The following ABCD4 variants were observed in gnomAD, a reference collection of about 807,000 sequenced individuals.
ABCD4 encodes ATP binding cassette subfamily D member 4, also known as lysosomal cobalamin transporter ABCD4.
Under a neutral mutation model 86.3 loss-of-function variants are expected in ABCD4, and 53 were observed. The ratio of observed to expected loss-of-function variants is 0.61; its 90% confidence interval spans 0.49 to 0.77. ABCD4 has a LOEUF of 0.77. ABCD4 is among the 30% of genes least tolerant of loss of function. ABCD4 has a pLI of 0.00. For missense variants in ABCD4, 757 were observed against 764.5 expected, an observed-to-expected ratio of 0.99 and a Z score of 0.12; for synonymous variants, 328 against 313.6, an observed-to-expected ratio of 1.05 and a Z score of -0.49.
rs1460323292 is a variant in ABCD4, at chr14:74,295,853, C to T, written c.668+1G>A. ...AGAAACCTCAAGTGAGGGAGACACA[C>T]CTAAAATCTCCCTCCAGCTTCTCCT... On this transcript the variant is annotated splice_donor_variant, in intron 6 of 18. Transcript: ENST00000356924. LOFTEE classifies it high-confidence loss of function. The T allele has an allele frequency of 6.2e-7, 1 of 1,613,544 alleles. No homozygotes were observed. Among genetic ancestry groups the T allele is most frequent in the African/African-American group, 1.3e-5 (1 of 74,994 alleles).
At chr14:74,301,160 C>CTTTTTT (rs36088801) in intron 1 of ABCD4, among the ~76,000 whole-genome samples, 2 of 124,342 alleles carry the variant, frequency 1.6e-5, no homozygotes, top group African/African-American at 3.1e-5. Context: ...GGCCTAAAAT[C>CTTTTTT]TTTTTTTTTT....
rs1052022 is a variant in ABCD4, at chr14:74,286,341, T to C, written c.*120A>G. On this transcript the variant is annotated 3_prime_UTR_variant, in exon 19 of 19. Transcript: ENST00000356924. Reference sequence around the variant, plus strand: ...CTAGGGGTCCTGCACAGGACCCATGTGGCTCCTGCACGGGATCTATGTGGC... The same window carrying C: ...CTAGGGGTCCTGCACAGGACCCATGCGGCTCCTGCACGGGATCTATGTGGC... 6,937 of 1,065,298 alleles carry C rather than the reference T, an allele frequency of 6.5e-3. 282 individuals are homozygous for C. In the African/African-American group the frequency reaches 0.095, roughly 15 times the overall value. 66.0% of individuals were successfully genotyped at this position (1,065,298 alleles called of 1,614,324 possible). A position where few individuals can be genotyped will look rare whatever the true frequency, so the allele number is the denominator to read the frequency against.
chr14:74,295,780 A>G, intron 6 of ABCD4, 74 bp downstream of exon 6: 1 of 1,590,950 alleles, frequency 6.3e-7, no homozygotes, highest in East Asian at 2.2e-5. Context: ...ATTTGAACTT[A>G]GGCAGTTTTA....
intron 15 of ABCD4, 104 bp from the exon 16 acceptor site, chr14:74,288,363 G>C: frequency 1.7e-6 from 2 of 1,158,086 alleles, no homozygotes; most frequent in Non-Finnish European, 2.5e-6. Context: ...ACACCTCTAA[G>C]ACAAATATAT....
chr14:74,289,744 C>G (rs2080944862), intron 13 of ABCD4: 4 of 1,434,120 alleles, frequency 2.8e-6, no homozygotes, highest in Non-Finnish European at 3.6e-6. Context: ...CTCCTGAGGG[C>G]AGGGGCCCCA....
intron 4 of ABCD4, 199 bp downstream of exon 4, chr14:74,297,731 T>G: frequency 2.3e-6 from 3 of 1,306,690 alleles, no homozygotes. Flanking sequence ...GGCAGGCTTC[T>G]TCTTTTTAGC....
chr14:74,286,431 A>G lies in ABCD4; in HGVS notation c.*30T>C, dbSNP rs745627342. The G allele has an allele frequency of 8.1e-6, 13 of 1,612,544 alleles. No individual in the cohort carries two copies. In the East Asian group the frequency reaches 2.0e-4, roughly 25 times the overall value. On this transcript the variant is annotated 3_prime_UTR_variant, in exon 19 of 19. Transcript: ENST00000356924. The stretch of plus-strand genomic sequence containing the variant: ...CTCCTGAGGGCCGCCGACCCGCCAC[A>G]GTGTGGCTCTCCTTCCAAAAGCCAG...
chr14:74,293,286 A>G (rs756987564), intron 7 of ABCD4, 38 bp from the exon 8 acceptor site: 2 of 1,592,388 alleles, frequency 1.3e-6, no homozygotes, highest in African/African-American at 2.7e-5. Context: ...AGGGCTGGAG[A>G]GGTTCAGCCA....
chr14:74,290,297 T>C lies in ABCD4; in HGVS notation c.1321A>G (p.Thr441Ala), dbSNP rs1329593407. ...GGGAGGGCCTGGCTCTCACCCCGTGTACTCGTCCAGAGGCCACCCAGAACC... is the reference window on the plus strand; with the variant it reads ...GGGAGGGCCTGGCTCTCACCCCGTGCACTCGTCCAGAGGCCACCCAGAACC... ...LRVLGGLWTS[T>A]RGSVQMLTDF... is the part of the protein sequence containing the mutation. The change falls in exon 12 of 19, where the codon ACA becomes GCA. Residue 441 changes from threonine to alanine, a missense_variant. Physicochemically the swap from Thr to Ala is moderately conservative, Grantham distance 58. Transcript: ENST00000356924. 2 of 1,614,184 alleles carry C rather than the reference T, an allele frequency of 1.2e-6. No individual in the cohort carries two copies. Among genetic ancestry groups the C allele is most frequent in the East Asian group, 4.5e-5 (2 of 44,880 alleles).
chr14:74,292,209 C>A, intron 11 of ABCD4, 78 bp downstream of exon 11: 1 of 1,371,190 alleles, frequency 7.3e-7, no homozygotes, highest in East Asian at 2.3e-5. Flanking sequence ...TGGGAAAGGG[C>A]AGGACTCCAG....
intron 11 of ABCD4, 100 bp downstream of exon 11, chr14:74,292,187 C>CTGCT (rs1199723780): frequency 9.0e-7 from 1 of 1,111,666 alleles, no homozygotes; most frequent in African/African-American, 1.5e-5. Context: ...CCTTACAACT[C>CTGCT]TGCTGCCCAG....
At position 74,285,351 on chromosome 14, in the gene ABCD4, T is replaced by C. The variant is rs1356978419; in HGVS notation, c.*1110A>G. On this transcript the variant is annotated 3_prime_UTR_variant, in exon 19 of 19. Transcript: ENST00000356924. The stretch of plus-strand genomic sequence containing the variant: ...CGTCTAACTCCTCACCTCTCTTTTT[T>C]ACAAAATGAACAAGCCTCAGGCCCA... 1 of 152,202 alleles carries C rather than the reference T, an allele frequency of 6.6e-6. No individual in the cohort carries two copies. Among genetic ancestry groups the C allele is most frequent in the South Asian group, 2.1e-4 (1 of 4,830 alleles). The allele number at this position is 152,202 out of a possible 1,614,324, so 9.4% of individuals were successfully genotyped here.
chr14:74,288,471 G>A, intron 15 of ABCD4: 2 of 650,728 alleles, frequency 3.1e-6, no homozygotes, highest in Non-Finnish European at 5.2e-6. Context: ...GCTGGAGCAT[G>A]ATGACAGTAA....
chr14:74,296,069 G>A (rs1186434500), intron 5 of ABCD4, 90 bp from the exon 6 acceptor site: 32 of 1,498,504 alleles, frequency 2.1e-5, no homozygotes, highest in Non-Finnish European at 2.9e-5. Context: ...TCCCTCTCAG[G>A]TAGCCCCTGT....
At chr14:74,299,011 T>C (rs1027354193) in intron 3 of ABCD4, 1 of 155,684 alleles carries the variant, frequency 6.4e-6, no homozygotes, top group Non-Finnish European at 1.4e-5. Context: ...GGGCAGAGTT[T>C]GGTGGAGGAG....
In ABCD4 at chr14:74,295,169, G is replaced by T; in HGVS notation, c.698C>A (p.Ala233Glu). ...TCACCTGTAGAAAGCAGCAGGCTCCGCATTCACCCGAATCTGCATGTGCTT... is the reference window on the plus strand; with the variant it reads ...TCACCTGTAGAAAGCAGCAGGCTCCTCATTCACCCGAATCTGCATGTGCTT... Reference protein sequence around the residue: ...RFKHMQIRVNAEPAAFYRAGH... With the variant: ...RFKHMQIRVNEEPAAFYRAGH... Residue 233 changes from alanine to glutamate, a missense_variant, in exon 7 of 19, where the codon GCG (alanine) becomes GAG (glutamate). Transcript: ENST00000356924. The T allele has an allele frequency of 6.2e-7, 1 of 1,614,238 alleles. No homozygotes were observed. The highest frequency in any genetic ancestry group is 8.5e-7 in the Non-Finnish European group (1 of 1,180,042).
At position 74,288,888 on chromosome 14, in the gene ABCD4, T is replaced by C. The variant is rs1329645117; in HGVS notation, c.1457-123A>G. The C allele has an allele frequency of 2.4e-6, 3 of 1,269,906 alleles. No homozygotes were observed. In the East Asian group the frequency reaches 7.7e-5, roughly 33 times the overall value. 78.7% of individuals were successfully genotyped at this position (1,269,906 alleles called of 1,614,324 possible). On this transcript the variant is annotated intron_variant, in intron 14 of 18. Coordinates refer to ENST00000356924, the MANE Select transcript of ABCD4 (RefSeq NM_005050.4). ...CAACACTTTGGGAGGCCGAGGCAGG[T>C]GGATCACAAGGTCAGGAGATGGAGA...
At chr14:74,302,731 T>C (rs2140169052) in intron 1 of ABCD4, 144 bp downstream of exon 1, 1 of 1,016,930 alleles carries the variant, frequency 9.8e-7, no homozygotes, top group Non-Finnish European at 1.4e-6. Context: ...CGGACGCCCC[T>C]TCGAGAGCTC....
In ABCD4 at chr14:74,289,386, G is replaced by A. The variant is rs575400997; in HGVS notation, c.1456+97C>T. 9.0e-6 allele frequency: 14 copies of A among 1,550,088 alleles called. No homozygotes were observed. The South Asian group carries it at 1.6e-4, about 18-fold the overall frequency. ...CTTCCTTGAATCAGCGGCCTGGCTG[G>A]AGCCTCTCCCCAAGGGCACAGATGA... On this transcript the variant is annotated intron_variant, in intron 14 of 18. Coordinates refer to ENST00000356924, the MANE Select transcript of ABCD4 (RefSeq NM_005050.4).
Sources: allele counts gnomAD v4.1 joint callset (sites outside exome capture counted in the v4.1 genomes callset), GRCh38; gene constraint gnomAD v4.1.1; transcripts MANE v1.5; gene names NCBI Gene and HGNC (gene_info 2026-07-23, HGNC 2026-07-21).